The following LDLRAD4 variants were observed in gnomAD, a reference collection of about 807,000 sequenced individuals.
LDLRAD4 encodes the protein low density lipoprotein receptor class A domain containing 4, also known as low-density lipoprotein receptor class A domain-containing protein 4.
Under a neutral mutation model 17.0 loss-of-function variants are expected in LDLRAD4, and 5 were observed. The ratio of observed to expected loss-of-function variants is 0.29; its 90% CI spans 0.15 to 0.62. LDLRAD4 has a LOEUF of 0.62. Ranked by LOEUF, LDLRAD4 falls within the 20% of genes least tolerant of loss-of-function variation. The pLI is 0.84. For missense variants in LDLRAD4, 340 were observed against 424.7 expected (o/e 0.80, Z 1.75); for synonymous variants, 168 against 171.8 (o/e 0.98, Z 0.17).
intron 4 of LDLRAD4, among the ~76,000 whole-genome samples, chr18:13,628,198 T>G (rs900140155): frequency 6.6e-6 from 1 of 152,134 alleles, no homozygotes; most frequent in Non-Finnish European, 1.5e-5. Flanking sequence ...TGGAAAACGA[T>G]GGAAAGGAAT....
chr18:13,441,246 A>C (rs1360655662), intron 3 of LDLRAD4, among the ~76,000 whole-genome samples: 1 of 152,200 alleles, frequency 6.6e-6, no homozygotes, highest in Non-Finnish European at 1.5e-5. Context: ...AACAAGCCTT[A>C]GAGCCTCGGG....
upstream of LDLRAD4, among the ~76,000 whole-genome samples, chr18:13,274,410 A>G (rs75136061): frequency 7.7e-3 from 1,166 of 152,224 alleles, 12 homozygotes; most frequent in African/African-American, 0.026. Flanking sequence ...GTCAGTGTCT[A>G]TTTTCACAGC....
rs180717662 is a variant in LDLRAD4, at chr18:13,246,408, C to T, written c.-467+27420C>T. ...AGACAGTAACACCGTCGTGTTACCA[C>T]GTGCCACTTGTCTAAATCACTCACA... On this transcript the variant is annotated intron_variant, in intron 1 of 5. Coordinates refer to the LDLRAD4 transcript ENST00000399848. 2.1e-4 allele frequency among the ~76,000 whole-genome samples: 32 copies of T among 152,368 alleles called. No individual in the cohort carries two copies. In the East Asian group the frequency reaches 2.3e-3, roughly 11 times the overall value.
At chr18:13,644,075 G>A (rs1263378742) in intron 5 of LDLRAD4, among the ~76,000 whole-genome samples, 26 of 152,068 alleles carry the variant, frequency 1.7e-4, no homozygotes, top group Admixed American at 1.7e-3. Context: ...TCATGTCAGT[G>A]ACTAAAAATA....
intron 2 of LDLRAD4, among the ~76,000 whole-genome samples, chr18:13,405,455 C>A (rs1176950146): frequency 1.3e-5 from 2 of 152,088 alleles, no homozygotes; most frequent in Non-Finnish European, 2.9e-5. Flanking sequence ...CGGGGTCTCA[C>A]TCTGTCATCC....
chr18:13,403,139 G>A (rs1331880637), intron 2 of LDLRAD4, among the ~76,000 whole-genome samples: 1 of 152,190 alleles, frequency 6.6e-6, no homozygotes. Context: ...TTTTTAAAAT[G>A]AAGAATAAAG....
At chr18:13,416,398 A>T (rs1175901159) in intron 2 of LDLRAD4, among the ~76,000 whole-genome samples, 1 of 152,194 alleles carries the variant, frequency 6.6e-6, no homozygotes, top group East Asian at 1.9e-4. Context: ...TTCCAACAAT[A>T]ACAGGAACTT....
intron 3 of LDLRAD4, among the ~76,000 whole-genome samples, chr18:13,441,397 A>G (rs987586849): frequency 5.3e-5 from 8 of 152,066 alleles, no homozygotes. Context: ...TATCCCACGA[A>G]CTCTTGTCTA....
chr18:13,275,655 C>T (rs1393548546), upstream of LDLRAD4, among the ~76,000 whole-genome samples: 1 of 152,204 alleles, frequency 6.6e-6, no homozygotes, highest in East Asian at 1.9e-4. Flanking sequence ...AAATGCTTAA[C>T]AGGATGGATA....
chr18:13,526,026 G>T (rs149109060), intron 3 of LDLRAD4: 1 of 152,320 alleles, frequency 6.6e-6, no homozygotes, highest in African/African-American at 2.4e-5. Flanking sequence ...AAATCTCATG[G>T]ACTCAGTCGC....
intron 1 of LDLRAD4, among the ~76,000 whole-genome samples, chr18:13,379,640 A>G (rs1232563567): frequency 6.6e-6 from 1 of 152,152 alleles, no homozygotes; most frequent in Non-Finnish European, 1.5e-5. Flanking sequence ...GAATGAAGAG[A>G]TGCAGCTTTG....
chr18:13,230,473 G>A (rs1376523886), intron 1 of LDLRAD4, among the ~76,000 whole-genome samples: 12 of 152,078 alleles, frequency 7.9e-5, no homozygotes. Context: ...TGTATATTAT[G>A]TGTACAATGT....
rs560220909 is a variant in LDLRAD4 at position 13,335,244 on chromosome 18, A to G, written c.-382-52097A>G. On this transcript the variant is annotated intron_variant, in intron 1 of 5. Transcript: ENST00000359446. ...GGTTCGTTAGAGGGAAGCTTCTACC[A>G]TGAGCATTGGTGTCGAGCACATGTT... Among the ~76,000 whole-genome samples, 6 of 152,358 alleles carry G rather than the reference A, an allele frequency of 3.9e-5. No individual in the cohort carries two copies. In the South Asian group the frequency reaches 1.0e-3, roughly 26 times the overall value.
intron 3 of LDLRAD4, among the ~76,000 whole-genome samples, chr18:13,474,764 A>G (rs2092894942): frequency 6.6e-6 from 1 of 152,152 alleles, no homozygotes; most frequent in African/African-American, 2.4e-5. Flanking sequence ...ACAACAAACA[A>G]CAAAAGGTCT....
At chr18:13,379,858 A>G (rs1006899754) in intron 1 of LDLRAD4, among the ~76,000 whole-genome samples, 3 of 152,198 alleles carry the variant, frequency 2.0e-5, no homozygotes, top group Admixed American at 6.5e-5. Flanking sequence ...TTGTTAGCCT[A>G]TGGTCTGACC....
At chr18:13,316,161 A>G (rs995779483) in intron 1 of LDLRAD4, among the ~76,000 whole-genome samples, 1 of 152,214 alleles carries the variant, frequency 6.6e-6, no homozygotes. Flanking sequence ...AAACATGGCA[A>G]ATACACAGAG....
chr18:13,644,985 C>A, intron 5 of LDLRAD4, 142 bp from the exon 7 acceptor site: 1 of 664,704 alleles, frequency 1.5e-6, no homozygotes, highest in Non-Finnish European at 2.4e-6. Context: ...ATTGGATTTT[C>A]CTGTTTTCTT....
chr18:13,627,274 T>G (rs1460418640), intron 4 of LDLRAD4, among the ~76,000 whole-genome samples: 1 of 151,948 alleles, frequency 6.6e-6, no homozygotes, highest in Non-Finnish European at 1.5e-5. Context: ...AATAAAAAAA[T>G]AAAAAATAAA....
chr18:13,346,831 AT>A (rs1320635220), intron 1 of LDLRAD4, among the ~76,000 whole-genome samples: 2 of 152,146 alleles, frequency 1.3e-5, no homozygotes, highest in South Asian at 4.1e-4. Context: ...CCATTATGTA[AT>A]GGCCTTCTTT....
Sources: gnomAD v4.1 joint callset for allele counts (sites outside exome capture counted in the v4.1 genomes callset) on GRCh38, gnomAD v4.1.1 for gene constraint, MANE v1.5 for transcripts, NCBI Gene and HGNC (gene_info 2026-07-23, HGNC 2026-07-21) for gene names.